The following DIO2 variants were observed in gnomAD, a reference collection of about 807,000 sequenced individuals.
DIO2 encodes iodothyronine deiodinase 2.
Under a neutral mutation model 21.4 loss-of-function variants are expected in DIO2, and 19 were observed. The observed-to-expected ratio is 0.89, with a 90% CI of 0.62 to 1.30. The LOEUF (loss-of-function observed/expected upper bound fraction) is 1.30. Among genes scored for constraint, DIO2 ranks in the 50% most tolerant of loss-of-function variants. The pLI, the probability that DIO2 is intolerant of heterozygous loss-of-function variation, is 0.00. For missense variants in DIO2, 302 were observed against 338.1 expected, an observed-to-expected ratio of 0.89 and a Z score of 0.84; for synonymous variants, 122 against 132.9, an observed-to-expected ratio of 0.92 and a Z score of 0.57.
rs758221146 is a variant in DIO2 at position 80,203,282 on chromosome 14, A to G, written c.229T>C (p.Leu77=). ...FLLDAYKQVK[L]GEDAPNSSVV... is the part of the protein sequence containing the mutation. The stretch of plus-strand genomic sequence containing the variant: ...CTGGAATTGGGGGCATCCTCACCCA[A>G]TTTCACCTGACGGTAAAAAAAAAAA... Residue 77 remains leucine, a synonymous_variant, in exon 2 of 2, where the codon TTG becomes CTG. Coordinates refer to ENST00000438257, the MANE Select transcript of DIO2 (RefSeq NM_013989.5). The G allele has an allele frequency of 2.6e-6, 4 of 1,525,506 alleles. No individual in the cohort carries two copies. The highest frequency in any genetic ancestry group is 1.6e-5 in the African/African-American group (1 of 64,438). 94.5% of individuals were successfully genotyped at this position (1,525,506 alleles called of 1,614,324 possible). A position where few individuals can be genotyped will look rare whatever the true frequency, so the allele number is the denominator to read the frequency against.
intron 2 of DIO2, among the ~76,000 whole-genome samples, chr14:80,217,928 T>C (rs1366510539): frequency 6.6e-6 from 1 of 152,210 alleles, no homozygotes; most frequent in Admixed American, 6.5e-5. Context: ...TGGACTTCAA[T>C]CATAAGTCAC....
chr14:80,220,427 A>G (rs191455789), intron 2 of DIO2, among the ~76,000 whole-genome samples: 1 of 152,346 alleles, frequency 6.6e-6, no homozygotes, highest in Admixed American at 6.5e-5. Flanking sequence ...AGAATACATT[A>G]GTGGTGAAGA....
At chr14:80,221,729 A>T (rs1010926757) in intron 2 of DIO2, among the ~76,000 whole-genome samples, 80 of 152,344 alleles carry the variant, frequency 5.3e-4, no homozygotes, top group African/African-American at 1.8e-3. Flanking sequence ...GAAGTTTCTC[A>T]TAATGAAACT....
intron 1 of DIO2, chr14:80,205,849 T>G (rs1887933752): frequency 5.6e-6 from 3 of 533,872 alleles, no homozygotes; most frequent in Non-Finnish European, 8.2e-6. Context: ...ATTGAATGAA[T>G]GCTAGTTGTT....
chr14:80,212,820 T>C (rs1035607956), upstream of DIO2, among the ~76,000 whole-genome samples: 2 of 151,916 alleles, frequency 1.3e-5, no homozygotes, highest in Admixed American at 1.3e-4. Context: ...TACAGGTTTC[T>C]TTTTAGTTTT....
chr14:80,211,458 G>T lies in DIO2; in HGVS notation c.15C>A (p.Ser5Arg), dbSNP rs1181966409. 1 of 1,609,246 alleles carries T rather than the reference G, an allele frequency of 6.2e-7. No homozygotes were observed. The highest frequency in any genetic ancestry group is 8.5e-7 in the Non-Finnish European group (1 of 1,178,136). Reference protein sequence around the residue: MGILSVDLLITLQIL... With the variant: MGILRVDLLITLQIL... ...TTTGCAGTGTGATCAGCAAGTCTAC[G>T]CTGAGGATGCCCATCTTCTCTGCCT... Residue 5 changes from serine (S) to arginine (R), a missense_variant, in exon 1 of 2, where the codon AGC (serine) becomes AGA (arginine). Ser to Arg is a moderately radical substitution (Grantham distance 110). Coordinates refer to ENST00000438257, the MANE Select transcript of DIO2 (RefSeq NM_013989.5).
upstream of DIO2, among the ~76,000 whole-genome samples, chr14:80,213,686 T>C (rs965339908): frequency 2.0e-5 from 3 of 151,978 alleles, no homozygotes; most frequent in Non-Finnish European, 2.9e-5. Flanking sequence ...GAACAGGGCA[T>C]GTAGAGGGCC....
chr14:80,198,255 G>A lies in DIO2; in HGVS notation c.*4434C>T, dbSNP rs932842164. On this transcript the variant is annotated 3_prime_UTR_variant, in exon 2 of 2. Coordinates refer to ENST00000438257, the MANE Select transcript of DIO2 (RefSeq NM_013989.5). ...ATAAGCTCCCTGGAGCTCTGCTGTT[G>A]CTGCCTAAGACGGGTAGCCAGCCCC... The A allele has an allele frequency of 6.6e-6, 1 of 152,620 alleles. No individual in the cohort carries two copies. Among genetic ancestry groups the A allele is most frequent in the Non-Finnish European group, 1.5e-5 (1 of 68,048 alleles). The allele number at this position is 152,620 out of a possible 1,614,324, so 9.5% of individuals were successfully genotyped here.
chr14:80,215,850 G>A (rs1888339309), upstream of DIO2: 1 of 152,244 alleles, frequency 6.6e-6, no homozygotes, highest in Non-Finnish European at 1.5e-5. Flanking sequence ...CACAACTACT[G>A]AATCACTCAA....
chr14:80,209,269 T>C (rs538726172), intron 1 of DIO2, among the ~76,000 whole-genome samples: 31 of 152,268 alleles, frequency 2.0e-4, no homozygotes, highest in South Asian at 4.1e-4. Context: ...ATATGAGAGA[T>C]GACTGTTTTT....
rs748837423 is a variant in DIO2 at position 80,198,403 on chromosome 14, G to C, written c.*4286C>G. The C allele has an allele frequency of 6.6e-6, 1 of 152,612 alleles. No homozygotes were observed. Among genetic ancestry groups the C allele is most frequent in the Non-Finnish European group, 1.5e-5 (1 of 68,044 alleles). The allele number at this position is 152,612 out of a possible 1,614,324, so 9.5% of individuals were successfully genotyped here. On this transcript the variant is annotated 3_prime_UTR_variant, in exon 2 of 2. Coordinates refer to ENST00000438257, the MANE Select transcript of DIO2 (RefSeq NM_013989.5). Reference sequence around the variant, plus strand: ...CCTTGCTTCTGGTACTATACACATAGGGCATTAGGAAGTGGCCCAATGTTT... The same window carrying C: ...CCTTGCTTCTGGTACTATACACATACGGCATTAGGAAGTGGCCCAATGTTT...
Position 80,202,073 on chromosome 14 carries a change from C to G in DIO2, c.*616G>C, listed in dbSNP as rs546870219. 7.2e-5 allele frequency: 20 copies of G among 276,948 alleles called. No individual in the cohort carries two copies. The highest frequency in any genetic ancestry group is 4.3e-4 in the African/African-American group (19 of 43,980). The allele number at this position is 276,948 out of a possible 1,614,324, so 17.2% of individuals were successfully genotyped here. The stretch of plus-strand genomic sequence containing the variant: ...ATTACAGATGATCATTCTAACCTCT[C>G]AGACTGAGGGATCATTCTCGGTATC... On this transcript the variant is annotated 3_prime_UTR_variant, in exon 2 of 2. Transcript: ENST00000438257.
At chr14:80,208,564 C>A (rs573213420) in intron 1 of DIO2, among the ~76,000 whole-genome samples, 16 of 152,258 alleles carry the variant, frequency 1.1e-4, no homozygotes, top group Middle Eastern at 3.4e-3. Context: ...CATGAGCACA[C>A]ACCCCTCTCA....
At chr14:80,215,104 T>C (rs952370167), upstream of DIO2, among the ~76,000 whole-genome samples, 11 of 152,316 alleles carry the variant, frequency 7.2e-5, no homozygotes, top group African/African-American at 2.4e-4. Flanking sequence ...TTCTTGGTCA[T>C]GTATGTGTTC....
chr14:80,205,500 C>T (rs531489996), intron 1 of DIO2: 2 of 824,856 alleles, frequency 2.4e-6, no homozygotes, highest in Non-Finnish European at 3.2e-6. Flanking sequence ...GCCTCTAACC[C>T]CCTGATTCAT....
At position 80,201,965 on chromosome 14, in the gene DIO2, A is replaced by T. The variant is rs1156631076; in HGVS notation, c.*724T>A. On this transcript the variant is annotated 3_prime_UTR_variant, in exon 2 of 2. Transcript: ENST00000438257. ...GGGTGAAACTCTGTGAATTTTCCAA[A>T]TCTTTCTGCCTCCTCTTTCCTAGCT... 1 of 172,092 alleles carries T rather than the reference A, an allele frequency of 5.8e-6. No homozygotes were observed. The highest frequency in any genetic ancestry group is 1.2e-5 in the Non-Finnish European group (1 of 81,082). 10.7% of individuals were successfully genotyped at this position (172,092 alleles called of 1,614,324 possible).
At chr14:80,206,334 T>C in intron 1 of DIO2, 1 of 1,527,298 alleles carries the variant, frequency 6.5e-7, no homozygotes, top group South Asian at 1.3e-5. Context: ...TGGAGGACAA[T>C]TTAGCTAAAA....
chr14:80,202,527 A>G lies in DIO2; in HGVS notation c.*162T>C. 1 of 757,846 alleles carries G rather than the reference A, an allele frequency of 1.3e-6. No individual in the cohort carries two copies. Among genetic ancestry groups the G allele is most frequent in the South Asian group, 1.8e-5 (1 of 56,674 alleles). The allele number at this position is 757,846 out of a possible 1,614,324, so 46.9% of individuals were successfully genotyped here. A position where few individuals can be genotyped will look rare whatever the true frequency, so the allele number is the denominator to read the frequency against. On this transcript the variant is annotated 3_prime_UTR_variant, in exon 2 of 2. Transcript: ENST00000438257. ...TTACTCAGCCCAATGCCATTTGAGT[A>G]GTGAAAGAAGTATGGAGCTGTTAGA...
rs1310917576 is a variant in DIO2 at position 80,199,036 on chromosome 14, T to C, written c.*3653A>G. 1 of 152,188 alleles carries C rather than the reference T, an allele frequency of 6.6e-6. No homozygotes were observed. Among genetic ancestry groups the C allele is most frequent in the Non-Finnish European group, 1.5e-5 (1 of 68,042 alleles). The allele number at this position is 152,188 out of a possible 1,614,324, so 9.4% of individuals were successfully genotyped here. ...TTCATCCATCCTCTTAAGATTGACA[T>C]AAAGAGAAGTCCTGTAAATCAGTCA... On this transcript the variant is annotated 3_prime_UTR_variant, in exon 2 of 2. Transcript: ENST00000438257.
Sources: allele counts gnomAD v4.1 joint callset (sites outside exome capture counted in the v4.1 genomes callset), GRCh38; gene constraint gnomAD v4.1.1; transcripts MANE v1.5; gene names NCBI Gene and HGNC (gene_info 2026-07-23, HGNC 2026-07-21).